Variants in NKAIN2 observed in about 807,000 individuals in gnomAD.
The protein encoded by NKAIN2 is sodium/potassium transporting ATPase interacting 2.
Under a neutral mutation model 32.6 loss-of-function variants are expected in NKAIN2, and 14 were observed. That is an observed-to-expected ratio of 0.43 (90% confidence interval 0.28 to 0.67). NKAIN2 has a LOEUF of 0.67. Among genes scored for constraint, NKAIN2 ranks in the 30% least tolerant of loss-of-function variants. The pLI is 0.17. For synonymous variants in NKAIN2, 80 were observed against 87.2 expected (o/e 0.92, Z 0.46); for missense variants, 198 against 258.3 (o/e 0.77, Z 1.60).
chr6:124,323,608 G>C (rs1562490235), intron 2 of NKAIN2, among the ~76,000 whole-genome samples: 1 of 151,916 alleles, frequency 6.6e-6, no homozygotes, highest in Admixed American at 6.6e-5. Flanking sequence ...ATGTTCGTGT[G>C]GGGCATTTCT....
rs527906333 is a variant in NKAIN2 at position 124,239,730 on chromosome 6, G to A, written c.55-43275G>A. ...AAGACACAATGTACTAGAATCTCTG[G>A]GACACAGTTAAAGCAGTGTTTAGAG... On this transcript the variant is annotated intron_variant, in intron 1 of 6. Transcript: ENST00000368417. Among the ~76,000 whole-genome samples the A allele has an allele frequency of 1.3e-4, 20 of 152,202 alleles. No homozygotes were observed. In the East Asian group the frequency reaches 3.5e-3, roughly 27 times the overall value.
At position 124,346,824 on chromosome 6, in the gene NKAIN2, G is replaced by A. The variant is rs1455867741; in HGVS notation, c.193-8443G>A. Reference sequence around the variant, plus strand: ...CTGTGCCTTTTAATTGGAGCATTTAGTCCATTTACATTTAAAGTTAATATT... The same window carrying A: ...CTGTGCCTTTTAATTGGAGCATTTAATCCATTTACATTTAAAGTTAATATT... On this transcript the variant is annotated intron_variant, in intron 2 of 6. Transcript: ENST00000368417. Among the ~76,000 whole-genome samples, 8 of 151,990 alleles carry A rather than the reference G, an allele frequency of 5.3e-5. No homozygotes were observed. In the East Asian group the frequency reaches 1.5e-3, roughly 29 times the overall value.
At chr6:123,818,773 T>C (rs908772542) in intron 1 of NKAIN2, among the ~76,000 whole-genome samples, 1 of 152,204 alleles carries the variant, frequency 6.6e-6, no homozygotes, top group African/African-American at 2.4e-5. Context: ...CATTTCCGGC[T>C]TCATTTTTGT....
rs1173902930 is a variant in NKAIN2, at chr6:123,908,172, T to G, written c.54+103918T>G. Among the ~76,000 whole-genome samples the G allele has an allele frequency of 2.0e-5, 3 of 152,286 alleles. No individual in the cohort carries two copies. The East Asian group carries it at 5.8e-4, about 29-fold the overall frequency. On this transcript the variant is annotated intron_variant, in intron 1 of 6. Coordinates refer to ENST00000368417, the MANE Select transcript of NKAIN2 (RefSeq NM_001040214.3). ...GTTTCCCTTGCATTTATCTTTGCAG[T>G]CTTTGTAAGAAAATATCTTGCAAGA... is the stretch of plus-strand genomic sequence containing the variant.
At chr6:124,251,688 A>G (rs995861006) in intron 1 of NKAIN2, among the ~76,000 whole-genome samples, 1 of 152,072 alleles carries the variant, frequency 6.6e-6, no homozygotes, top group Non-Finnish European at 1.5e-5. Context: ...CTACAAAGTT[A>G]GTCAATATTG....
intron 1 of NKAIN2, among the ~76,000 whole-genome samples, chr6:124,236,551 G>A (rs140041187): frequency 1.2e-3 from 180 of 152,244 alleles, no homozygotes; most frequent in African/African-American, 4.3e-3. Context: ...TGTGAATAAA[G>A]AAATAATGCA....
chr6:124,771,949 T>G (rs556516090), intron 4 of NKAIN2, among the ~76,000 whole-genome samples: 1 of 152,134 alleles, frequency 6.6e-6, no homozygotes, highest in African/African-American at 2.4e-5. Flanking sequence ...ATACTATAAG[T>G]AGCTCAATGA....
intron 1 of NKAIN2, among the ~76,000 whole-genome samples, chr6:123,865,737 C>G (rs929091268): frequency 6.6e-6 from 1 of 152,092 alleles, no homozygotes; most frequent in East Asian, 1.9e-4. Flanking sequence ...GAGTCTATGT[C>G]AAGCCATTGC....
chr6:124,615,974 C>T (rs1782872268), intron 3 of NKAIN2, among the ~76,000 whole-genome samples: 1 of 152,166 alleles, frequency 6.6e-6, no homozygotes, highest in African/African-American at 2.4e-5. Context: ...AAATATGCCA[C>T]ATACACAGTA....
intron 1 of NKAIN2, among the ~76,000 whole-genome samples, chr6:124,133,007 A>C (rs946120179): frequency 1.3e-5 from 2 of 152,204 alleles, no homozygotes; most frequent in Admixed American, 1.3e-4. Flanking sequence ...TTCTCGCAAC[A>C]GGGACACAAT....
At chr6:124,718,916 A>C (rs1253662691) in intron 4 of NKAIN2, among the ~76,000 whole-genome samples, 1 of 152,228 alleles carries the variant, frequency 6.6e-6, no homozygotes, top group African/African-American at 2.4e-5. Flanking sequence ...TAATAAAAAA[A>C]AATGAACTAC....
chr6:124,467,931 T>C (rs1461658458), intron 3 of NKAIN2, among the ~76,000 whole-genome samples: 2 of 152,122 alleles, frequency 1.3e-5, no homozygotes, highest in African/African-American at 4.8e-5. Context: ...TTTAACTTAT[T>C]TAAATTTCAG....
At chr6:124,744,060 G>T (rs1158731079) in intron 4 of NKAIN2, among the ~76,000 whole-genome samples, 1 of 151,832 alleles carries the variant, frequency 6.6e-6, no homozygotes, top group Non-Finnish European at 1.5e-5. Flanking sequence ...GTTATAGTAA[G>T]AAAATTTTTG....
At chr6:123,967,701 G>T (rs573151386) in intron 1 of NKAIN2, among the ~76,000 whole-genome samples, 4 of 152,032 alleles carry the variant, frequency 2.6e-5, no homozygotes, top group Non-Finnish European at 5.9e-5. Context: ...GGGAGTGTGT[G>T]TATATATACA....
intron 1 of NKAIN2, among the ~76,000 whole-genome samples, chr6:124,200,198 C>T (rs919032928): frequency 1.3e-5 from 2 of 152,122 alleles, no homozygotes; most frequent in African/African-American, 2.4e-5. Flanking sequence ...CCTCCTTATT[C>T]GCTTTCACTT....
At chr6:124,217,643 T>G (rs1240578551) in intron 1 of NKAIN2, among the ~76,000 whole-genome samples, 1 of 152,130 alleles carries the variant, frequency 6.6e-6, no homozygotes, top group Admixed American at 6.6e-5. Context: ...GACCACTTTC[T>G]CATCCTGGAA....
At chr6:123,899,407 A>T (rs2114406969) in intron 1 of NKAIN2, among the ~76,000 whole-genome samples, 1 of 150,880 alleles carries the variant, frequency 6.6e-6, no homozygotes. Context: ...CCCTGACCTC[A>T]TCCTCCCTCT....
chr6:124,359,461 G>A (rs1349240784), intron 3 of NKAIN2, among the ~76,000 whole-genome samples: 1 of 152,148 alleles, frequency 6.6e-6, no homozygotes, highest in Non-Finnish European at 1.5e-5. Flanking sequence ...GCAGTGGTTT[G>A]TAGTTCTCTT....
At chr6:124,570,385 A>T (rs1012146036) in intron 3 of NKAIN2, among the ~76,000 whole-genome samples, 4 of 152,236 alleles carry the variant, frequency 2.6e-5, no homozygotes, top group Admixed American at 2.0e-4. Flanking sequence ...CACGTCAGAG[A>T]CCTTCACAGC....
Sources: allele counts gnomAD v4.1 joint callset (sites outside exome capture counted in the v4.1 genomes callset), GRCh38; gene constraint gnomAD v4.1.1; transcripts MANE v1.5; gene names NCBI Gene and HGNC (gene_info 2026-07-23, HGNC 2026-07-21).